The following CCSER1 variants were observed in gnomAD, a reference collection of about 807,000 sequenced individuals.
CCSER1 encodes the protein serine-rich coiled-coil domain-containing protein 1.
Under a neutral mutation model 82.0 loss-of-function variants are expected in CCSER1, and 41 were observed. That is an observed-to-expected ratio of 0.50 (90% CI 0.39 to 0.65). The LOEUF is 0.65. Among genes scored for constraint, CCSER1 ranks in the 30% least tolerant of loss-of-function variants. The pLI, the probability that CCSER1 is intolerant of heterozygous loss-of-function variation, is 0.00. For missense variants in CCSER1, 1,119 were observed against 1,064.2 expected (o/e 1.05, Z -0.72); for synonymous variants, 414 against 383.9 (o/e 1.08, Z -0.92).
intron 10 of CCSER1, among the ~76,000 whole-genome samples, chr4:91,423,016 T>C (rs1753765381): frequency 6.6e-6 from 1 of 152,182 alleles, no homozygotes; most frequent in Non-Finnish European, 1.5e-5. Flanking sequence ...GACATAATTC[T>C]ACTAATGAGT....
chr4:90,531,086 C>G (rs1774454898), intron 5 of CCSER1, among the ~76,000 whole-genome samples: 1 of 151,868 alleles, frequency 6.6e-6, no homozygotes, highest in Non-Finnish European at 1.5e-5. Flanking sequence ...CATGTAACAT[C>G]TGTGAATTAG....
intron 6 of CCSER1, among the ~76,000 whole-genome samples, chr4:90,637,416 T>C (rs752628950): frequency 1.6e-4 from 25 of 152,260 alleles, no homozygotes; most frequent in Admixed American, 3.9e-4. Flanking sequence ...GTCAAATTTA[T>C]TGGTCACAAA....
At chr4:90,644,637 G>C (rs1727163584) in intron 6 of CCSER1, among the ~76,000 whole-genome samples, 1 of 151,440 alleles carries the variant, frequency 6.6e-6, no homozygotes, top group African/African-American at 2.4e-5. Context: ...ACCCCCAACA[G>C]GCCCCAGTGC....
intron 10 of CCSER1, among the ~76,000 whole-genome samples, chr4:91,209,626 A>G (rs1386943658): frequency 1.3e-5 from 2 of 151,766 alleles, no homozygotes; most frequent in Non-Finnish European, 2.9e-5. Flanking sequence ...ATACTTTGTC[A>G]AGGATATTCG....
At chr4:90,574,015 A>G (rs953865593) in intron 5 of CCSER1, among the ~76,000 whole-genome samples, 2 of 151,460 alleles carry the variant, frequency 1.3e-5, no homozygotes, top group Non-Finnish European at 2.9e-5. Flanking sequence ...TGAATGAAGG[A>G]TATTGTTTTT....
intron 8 of CCSER1, among the ~76,000 whole-genome samples, chr4:90,829,681 G>A (rs62311075): frequency 0.11 from 16,373 of 152,154 alleles, 995 homozygotes; most frequent in African/African-American, 0.15. Flanking sequence ...TGAAAGAAAG[G>A]AAAATTTGCT....
chr4:91,291,515 A>G (rs1033879825), intron 10 of CCSER1, among the ~76,000 whole-genome samples: 9 of 151,988 alleles, frequency 5.9e-5, no homozygotes, highest in Admixed American at 2.0e-4. Flanking sequence ...TTCCTCAGGA[A>G]ACTTACAGTC....
At chr4:90,946,209 G>A (rs1732221598) in intron 9 of CCSER1, among the ~76,000 whole-genome samples, 1 of 152,038 alleles carries the variant, frequency 6.6e-6, no homozygotes, top group Non-Finnish European at 1.5e-5. Flanking sequence ...TTAAGTCCTC[G>A]AAGAGAATAA....
intron 10 of CCSER1, among the ~76,000 whole-genome samples, chr4:91,553,891 G>A (rs1039740361): frequency 6.7e-6 from 1 of 148,644 alleles, no homozygotes; most frequent in Non-Finnish European, 1.5e-5. Flanking sequence ...TATAATTCTT[G>A]TGTCTCATAT....
At chr4:90,987,913 A>G (rs1736702587) in intron 9 of CCSER1, among the ~76,000 whole-genome samples, 1 of 151,822 alleles carries the variant, frequency 6.6e-6, no homozygotes, top group African/African-American at 2.4e-5. Context: ...TGAAATATTC[A>G]GGTTTTATAA....
chr4:91,381,988 G>T (rs1394185503), intron 10 of CCSER1, among the ~76,000 whole-genome samples: 1 of 152,110 alleles, frequency 6.6e-6, no homozygotes, highest in Non-Finnish European at 1.5e-5. Flanking sequence ...GCAACTGAAG[G>T]TTCCAACTCT....
rs1314002350 is a variant in CCSER1, at chr4:91,083,299, A to T, written c.2173-2651A>T. Among the ~76,000 whole-genome samples, 7 of 152,234 alleles carry T rather than the reference A, an allele frequency of 4.6e-5. No individual in the cohort carries two copies. The East Asian group carries it at 1.2e-3, about 25-fold the overall frequency. On this transcript the variant is annotated intron_variant, in intron 9 of 10. Coordinates refer to ENST00000509176, the MANE Select transcript of CCSER1 (RefSeq NM_001145065.2). ...AGCTGGAAACCATCCTTCTGAGCAAACTATGGCAAGGACAGAAAACCAAAC... is the reference window on the plus strand; with the variant it reads ...AGCTGGAAACCATCCTTCTGAGCAATCTATGGCAAGGACAGAAAACCAAAC...
At chr4:91,559,860 T>A (rs1233145189) in intron 10 of CCSER1, among the ~76,000 whole-genome samples, 1 of 151,484 alleles carries the variant, frequency 6.6e-6, no homozygotes, top group Admixed American at 6.6e-5. Flanking sequence ...AAAAATGGTC[T>A]TATTCTATTA....
intron 10 of CCSER1, among the ~76,000 whole-genome samples, chr4:91,120,893 G>A (rs903222163): frequency 1.3e-5 from 2 of 151,838 alleles, no homozygotes; most frequent in African/African-American, 4.8e-5. Context: ...AAGAGGGGAT[G>A]ACAAGTTGTC....
intron 10 of CCSER1, among the ~76,000 whole-genome samples, chr4:91,392,589 G>A (rs139747076): frequency 4.7e-4 from 71 of 152,080 alleles, no homozygotes; most frequent in Non-Finnish European, 1.6e-4. Flanking sequence ...GATAATAATT[G>A]TATACTGGTT....
At chr4:90,284,491 TTGA>T (rs200839387) in intron 1 of CCSER1, among the ~76,000 whole-genome samples, 15 of 118,830 alleles carry the variant, frequency 1.3e-4, no homozygotes, top group African/African-American at 5.7e-4. Context: ...CTACTTTGAA[TTGA>T]TTTTTTTTTT....
chr4:91,130,572 A>G lies in CCSER1; in HGVS notation c.2217+44578A>G, dbSNP rs73837281. On this transcript the variant is annotated intron_variant, in intron 10 of 10. Transcript: ENST00000509176. Reference sequence around the variant, plus strand: ...TAGCCTTTCTTCTTTATATAGTAAAATATTTTATGTAATGAAAAGTTACAT... The same window carrying G: ...TAGCCTTTCTTCTTTATATAGTAAAGTATTTTATGTAATGAAAAGTTACAT... Among the ~76,000 whole-genome samples, 594 of 151,968 alleles carry G rather than the reference A, an allele frequency of 3.9e-3. 5 individuals carry two copies. Among genetic ancestry groups the G allele is most frequent in the African/African-American group, 0.014 (566 of 41,518 alleles).
chr4:91,341,336 C>A (rs1747704791), intron 10 of CCSER1, among the ~76,000 whole-genome samples: 1 of 152,024 alleles, frequency 6.6e-6, no homozygotes, highest in East Asian at 1.9e-4. Flanking sequence ...TTGAGTAAAG[C>A]AGTGTAATAG....
At chr4:90,902,611 G>A (rs890208140) in intron 8 of CCSER1, among the ~76,000 whole-genome samples, 5 of 152,024 alleles carry the variant, frequency 3.3e-5, no homozygotes, top group African/African-American at 1.2e-4. Context: ...TTTTTCAGAT[G>A]CTGCTTGTTG....
Sources: gnomAD v4.1 joint callset for allele counts (sites outside exome capture counted in the v4.1 genomes callset) on GRCh38, gnomAD v4.1.1 for gene constraint, MANE v1.5 for transcripts, NCBI Gene and HGNC (gene_info 2026-07-23, HGNC 2026-07-21) for gene names.